Variants in SEL1L3 observed in about 807,000 individuals in gnomAD.
SEL1L3 encodes the protein protein sel-1 homolog 3.
Under a neutral mutation model 142.8 loss-of-function variants are expected in SEL1L3, and 76 were observed. That is an observed-to-expected ratio of 0.53 (90% CI 0.44 to 0.64). SEL1L3 has a LOEUF of 0.64. Ranked by LOEUF, SEL1L3 falls within the 30% of genes least tolerant of loss-of-function variation. The probability of loss-of-function intolerance (pLI) is 0.00; values close to 1 mark genes in which losing one functional copy is unlikely to be tolerated. For synonymous variants in SEL1L3, 504 were observed against 519.6 expected (o/e 0.97, Z 0.41); for missense variants, 1,262 against 1,381.7 (o/e 0.91, Z 1.37).
chr4:25,802,908 G>A (rs544230682), intron 10 of SEL1L3, among the ~76,000 whole-genome samples: 1 of 152,278 alleles, frequency 6.6e-6, no homozygotes, highest in Non-Finnish European at 1.5e-5. Flanking sequence ...AGCCAATCTA[G>A]CTTTCTATTG....
At chr4:25,794,232 A>G (rs1045179344) in intron 11 of SEL1L3, among the ~76,000 whole-genome samples, 5 of 152,246 alleles carry the variant, frequency 3.3e-5, no homozygotes. Flanking sequence ...CAGAGCAAAC[A>G]ACAAACCTAC....
chr4:25,801,255 T>G (rs910472820), intron 11 of SEL1L3, among the ~76,000 whole-genome samples: 16 of 152,144 alleles, frequency 1.1e-4, no homozygotes, highest in Admixed American at 3.3e-4. Flanking sequence ...ATAAAAAAAT[T>G]AGCTGGGCAT....
At chr4:25,849,905 T>G (rs955596059) in intron 1 of SEL1L3, among the ~76,000 whole-genome samples, 5 of 151,826 alleles carry the variant, frequency 3.3e-5, no homozygotes, top group African/African-American at 1.2e-4. Flanking sequence ...AGCCCAAGGG[T>G]GCATAGCACT....
At position 25,757,771 on chromosome 4, in the gene SEL1L3, C is replaced by T. The variant is rs368187714; in HGVS notation, c.3103G>A (p.Glu1035Lys). Residue 1035 changes from glutamate to lysine, a missense_variant, in exon 22 of 24, where the codon GAG becomes AAG. Transcript: ENST00000399878. ...LYERCWSHSN[E>K]ESFSPCSLAW... ...AAGGAGCAGGGGCTGAAGGACTCCT[C>T]GTTACTGTGGCTCCAGCACCTGCAG... The T allele has an allele frequency of 5.1e-5, 81 of 1,584,248 alleles. No individual in the cohort carries two copies. The highest frequency in any genetic ancestry group is 6.7e-5 in the Non-Finnish European group (78 of 1,165,780).
At position 25,818,178 on chromosome 4, in the gene SEL1L3, G is replaced by A. The variant is rs752745545; in HGVS notation, c.1524C>T (p.Pro508=). The change falls in exon 9 of 24, where the codon CCC becomes CCT. Residue 508 remains proline (P), a synonymous_variant. Transcript: ENST00000399878. ...PWEKELKDKH[P]SLFQALLEMD... ...TCTCCAGCAATGCCTGGAACAAGCT[G>A]GGGTGTTTGTCTTTCAGCTCCTTCT... 3.1e-6 allele frequency: 5 copies of A among 1,610,500 alleles called. No homozygotes were observed. In the South Asian group the frequency reaches 4.4e-5, roughly 14 times the overall value.
At chr4:25,761,446 G>A (rs1016118545) in intron 20 of SEL1L3, among the ~76,000 whole-genome samples, 16 of 152,266 alleles carry the variant, frequency 1.1e-4, no homozygotes, top group African/African-American at 3.6e-4. Context: ...TTGAGCCACC[G>A]CGCCCAGCCA....
intron 1 of SEL1L3, among the ~76,000 whole-genome samples, chr4:25,856,610 A>C (rs543368114): frequency 2.4e-4 from 37 of 151,808 alleles, no homozygotes; most frequent in African/African-American, 6.3e-4. Context: ...AAAAAAAAAA[A>C]AAACAAAGAA....
At chr4:25,830,228 A>G (rs1715349246) in intron 5 of SEL1L3, 72 bp from the exon 6 acceptor site, 7 of 952,654 alleles carry the variant, frequency 7.3e-6, no homozygotes, top group Non-Finnish European at 1.2e-5. Context: ...TCCTTTGTGT[A>G]AATTACTCAT....
At chr4:25,794,047 T>G (rs1264513913) in intron 11 of SEL1L3, among the ~76,000 whole-genome samples, 1 of 152,206 alleles carries the variant, frequency 6.6e-6, no homozygotes, top group African/African-American at 2.4e-5. Context: ...AATACTTAAA[T>G]GTAAAACCCA....
rs184253849 is a variant in SEL1L3 at position 25,817,486 on chromosome 4, G to A, written c.1564+652C>T. ...TACTAAGCAAACCCAAATTGCACTGGGCCTACAGAGAAGCTGGTGGCATCT... is the reference window on the plus strand; with the variant it reads ...TACTAAGCAAACCCAAATTGCACTGAGCCTACAGAGAAGCTGGTGGCATCT... On this transcript the variant is annotated intron_variant, in intron 9 of 23. Transcript: ENST00000399878. Among the ~76,000 whole-genome samples, 106 of 152,298 alleles carry A rather than the reference G, an allele frequency of 7.0e-4. 1 individual carries two copies. Among genetic ancestry groups the A allele is most frequent in the African/African-American group, 2.3e-3 (95 of 41,546 alleles).
chr4:25,792,024 AG>A (rs1012185232), intron 11 of SEL1L3, among the ~76,000 whole-genome samples: 1 of 151,480 alleles, frequency 6.6e-6, no homozygotes, highest in Non-Finnish European at 1.5e-5. Flanking sequence ...GGTCCTTTCC[AG>A]GGGGACTCGG....
intron 23 of SEL1L3, among the ~76,000 whole-genome samples, chr4:25,752,418 G>GAAAAAAAA (rs76936235): frequency 1.0e-5 from 1 of 98,886 alleles, no homozygotes. Flanking sequence ...CTCCATCTCC[G>GAAAAAAAA]AAAAAAAAAA....
intron 20 of SEL1L3, among the ~76,000 whole-genome samples, chr4:25,763,894 A>G (rs1718547028): frequency 6.6e-6 from 1 of 152,174 alleles, no homozygotes; most frequent in African/African-American, 2.4e-5. Context: ...TGATACAGGG[A>G]TAAGTTTCCA....
chr4:25,819,345 TA>T (rs1323385886), intron 8 of SEL1L3, among the ~76,000 whole-genome samples: 2 of 152,144 alleles, frequency 1.3e-5, no homozygotes, highest in Non-Finnish European at 2.9e-5. Context: ...ATTTAAAAAA[TA>T]AAACCAAGCT....
chr4:25,803,792 T>G (rs1273420341), intron 10 of SEL1L3, among the ~76,000 whole-genome samples: 1 of 150,170 alleles, frequency 6.7e-6, no homozygotes, highest in Non-Finnish European at 1.5e-5. Flanking sequence ...TTTTTTTTTT[T>G]GTTGTTGTTT....
At chr4:25,839,622 G>A (rs935516315) in intron 2 of SEL1L3, among the ~76,000 whole-genome samples, 5 of 152,162 alleles carry the variant, frequency 3.3e-5, no homozygotes, top group Middle Eastern at 3.2e-3. Flanking sequence ...ACAACTTAAC[G>A]CTTGTATGTG....
At chr4:25,798,189 C>T (rs145015192) in intron 11 of SEL1L3, among the ~76,000 whole-genome samples, 2 of 152,120 alleles carry the variant, frequency 1.3e-5, no homozygotes, top group African/African-American at 2.4e-5. Flanking sequence ...ACTGCTCAAC[C>T]CTGGCTGCAG....
At chr4:25,863,480 T>C (rs1250176929), upstream of SEL1L3, 1 of 702,802 alleles carries the variant, frequency 1.4e-6, no homozygotes, top group South Asian at 1.5e-5. Context: ...GCAATGGGTT[T>C]TTGTCTGGTT....
rs555849953 is a variant in SEL1L3 at position 25,830,191 on chromosome 4, C to T, written c.1099-35G>A. The T allele has an allele frequency of 1.1e-4, 145 of 1,330,072 alleles. 1 individual carries two copies. The South Asian group carries it at 1.6e-3, about 14-fold the overall frequency. 82.4% of individuals were successfully genotyped at this position (1,330,072 alleles called of 1,614,324 possible). On this transcript the variant is annotated intron_variant, in intron 5 of 23. Transcript: ENST00000399878. ...GAGGGATACACAAGAATCAGTTATG[C>T]CTCATCACCCTACATTACCTATGCA...
Sources: allele counts gnomAD v4.1 joint callset (sites outside exome capture counted in the v4.1 genomes callset), GRCh38; gene constraint gnomAD v4.1.1; transcripts MANE v1.5; gene names NCBI Gene and HGNC (gene_info 2026-07-23, HGNC 2026-07-21).